ABTB3: variants seen among roughly 807,000 people sequenced by gnomAD.
ABTB3 encodes ankyrin repeat and BTB domain containing 3.
the ABTB3 span, among the ~76,000 whole-genome samples, chr12:107,642,826 G>A: frequency 6.6e-6 from 1 of 152,118 alleles, no homozygotes; most frequent in South Asian, 2.1e-4. Context: ...CTTCTGTTTG[G>A]GGGGAGTTCA....
the ABTB3 span, among the ~76,000 whole-genome samples, chr12:107,542,575 A>G: frequency 2.2e-4 from 33 of 152,312 alleles, no homozygotes; most frequent in African/African-American, 7.9e-4. Flanking sequence ...CTAGAAATTA[A>G]TTACATTTGA....
At chr12:107,484,095 C>T in the ABTB3 span, among the ~76,000 whole-genome samples, 1 of 152,100 alleles carries the variant, frequency 6.6e-6, no homozygotes. Context: ...GAGTGCCATC[C>T]TAGGTGCTAG....
chr12:107,566,097 C>A, the ABTB3 span, among the ~76,000 whole-genome samples: 1 of 152,194 alleles, frequency 6.6e-6, no homozygotes, highest in East Asian at 1.9e-4. Context: ...ATAGAGGTCC[C>A]ATAAATCTGC....
the ABTB3 span, among the ~76,000 whole-genome samples, chr12:107,444,615 G>A: frequency 0.051 from 7,778 of 152,262 alleles, 637 homozygotes; most frequent in African/African-American, 0.18. Flanking sequence ...AACCACACAT[G>A]AGCAGTCATA....
the ABTB3 span, among the ~76,000 whole-genome samples, chr12:107,505,498 C>T: frequency 2.0e-4 from 30 of 151,754 alleles, no homozygotes; most frequent in Middle Eastern, 6.8e-3. Flanking sequence ...GTGGATTATT[C>T]AGCAAATATT....
At chr12:107,549,916 CT>C in the ABTB3 span, among the ~76,000 whole-genome samples, 1 of 152,136 alleles carries the variant, frequency 6.6e-6, no homozygotes, top group Non-Finnish European at 1.5e-5. Context: ...GATATTGGGG[CT>C]TGTAAAACAG....
At chr12:107,344,979 C>A in the ABTB3 span, among the ~76,000 whole-genome samples, 1 of 152,164 alleles carries the variant, frequency 6.6e-6, no homozygotes, top group African/African-American at 2.4e-5. Context: ...AACCTCATAA[C>A]TTTATGGCCA....
the ABTB3 span, among the ~76,000 whole-genome samples, chr12:107,608,968 T>TATAAAATAAAATAAA: frequency 4.2e-3 from 423 of 101,772 alleles, 8 homozygotes; most frequent in Middle Eastern, 9.8e-3. Context: ...TAAAATAAAA[T>TATAAAATAAAATAAA]ATAAAATAAA....
chr12:107,349,194 C>T, the ABTB3 span, among the ~76,000 whole-genome samples: 15 of 152,212 alleles, frequency 9.9e-5, no homozygotes, highest in Admixed American at 7.2e-4. Flanking sequence ...GCAGCCTGTT[C>T]TGTCCTGACG....
chr12:107,633,254 T>C, the ABTB3 span, among the ~76,000 whole-genome samples: 2 of 152,120 alleles, frequency 1.3e-5, no homozygotes, highest in Admixed American at 6.5e-5. Context: ...CGTGAGGACA[T>C]AGCTAGAAGG....
At chr12:107,450,650 G>A in the ABTB3 span, among the ~76,000 whole-genome samples, 11 of 152,154 alleles carry the variant, frequency 7.2e-5, no homozygotes, top group South Asian at 4.1e-4. Flanking sequence ...CAGGTTTGTC[G>A]ACAAACTCTA....
chr12:107,636,847 CA>C, the ABTB3 span, among the ~76,000 whole-genome samples: 1 of 152,254 alleles, frequency 6.6e-6, no homozygotes, highest in Non-Finnish European at 1.5e-5. Flanking sequence ...CCTCATAAGA[CA>C]CCCTCCTTAG....
chr12:107,504,305 T>C, the ABTB3 span, among the ~76,000 whole-genome samples: 1 of 151,706 alleles, frequency 6.6e-6, no homozygotes, highest in African/African-American at 2.4e-5. Flanking sequence ...TTACGTGCCA[T>C]TAACATCTAC....
At chr12:107,645,199 T>G in the ABTB3 span, among the ~76,000 whole-genome samples, 1 of 152,122 alleles carries the variant, frequency 6.6e-6, no homozygotes, top group African/African-American at 2.4e-5. Context: ...ACTCCTGACC[T>G]CAGGTGATCC....
chr12:107,506,249 T>TGGAG, the ABTB3 span, among the ~76,000 whole-genome samples: 13 of 152,258 alleles, frequency 8.5e-5, no homozygotes, highest in African/African-American at 3.1e-4. Flanking sequence ...CTTGAATAGG[T>TGGAG]GGAGGGCTTT....
At chr12:107,586,691 G>A in the ABTB3 span, among the ~76,000 whole-genome samples, 1 of 152,194 alleles carries the variant, frequency 6.6e-6, no homozygotes, top group African/African-American at 2.4e-5. Context: ...TAACAGAGGA[G>A]TCAGAGACAG....
At chr12:107,508,702 C>G in the ABTB3 span, among the ~76,000 whole-genome samples, 2 of 151,998 alleles carry the variant, frequency 1.3e-5, no homozygotes, top group Non-Finnish European at 2.9e-5. Flanking sequence ...CCTGACTCGG[C>G]CTCCCAAAGT....
At chr12:107,576,730 A>G in the ABTB3 span, among the ~76,000 whole-genome samples, 1 of 152,128 alleles carries the variant, frequency 6.6e-6, no homozygotes, top group African/African-American at 2.4e-5. Flanking sequence ...GAGCCCATGG[A>G]TGTCCTCACT....
chr12:107,612,635 G>T, the ABTB3 span: 1 of 819,592 alleles, frequency 1.2e-6, no homozygotes. Flanking sequence ...GACCTTACGA[G>T]TCACAGGGCT....
Sources: gnomAD v4.1 joint callset for allele counts (sites outside exome capture counted in the v4.1 genomes callset) on GRCh38, gnomAD v4.1.1 for gene constraint, MANE v1.5 for transcripts, NCBI Gene and HGNC (gene_info 2026-07-23, HGNC 2026-07-21) for gene names.